Variants in DBN1 observed in about 807,000 individuals in gnomAD.
DBN1 encodes drebrin 1.
A neutral mutation model predicts 83.5 loss-of-function variants in DBN1; 21 were observed. The observed-to-expected ratio is 0.25, with a 90% confidence interval of 0.18 to 0.36. DBN1 has a LOEUF of 0.36. Ranked by LOEUF, DBN1 falls within the 10% of genes least tolerant of loss-of-function variation. The pLI is 1.00. For synonymous variants in DBN1, 381 were observed against 384.9 expected (o/e 0.99, Z 0.12); for missense variants, 874 against 935.7 (o/e 0.93, Z 0.86).
At chr5:177,472,008 C>A in intron 1 of DBN1, 1 of 1,260,932 alleles carries the variant, frequency 7.9e-7, no homozygotes, top group Non-Finnish European at 1.1e-6. Context: ...CAGGCCAAGC[C>A]GGCCACTTGC....
Position 177,461,492 on chromosome 5 carries a change from A to G in DBN1, c.772-789T>C, listed in dbSNP as rs191394572. On this transcript the variant is annotated intron_variant, in intron 8 of 14. Transcript: ENST00000393565. The stretch of plus-strand genomic sequence containing the variant: ...TCTGCCCCGTCAAACCCTGTCACAC[A>G]GCCCCTCTCTTCCCTCAGGGCCCTC... 1.4e-3 allele frequency among the ~76,000 whole-genome samples: 206 copies of G among 152,208 alleles called. 1 individual carries two copies. The highest frequency in any genetic ancestry group is 4.2e-3 in the African/African-American group (176 of 41,520).
intron 2 of DBN1, 169 bp downstream of exon 2, chr5:177,468,675 C>A: frequency 2.2e-6 from 1 of 451,510 alleles, no homozygotes; most frequent in East Asian, 3.2e-5. Context: ...AGATTCCTCC[C>A]CACCCTGGGG....
At chr5:177,458,808 G>T in intron 12 of DBN1, 101 bp from the exon 13 acceptor site, 2 of 1,214,004 alleles carry the variant, frequency 1.6e-6, no homozygotes, top group Non-Finnish European at 2.2e-6. Context: ...GGACTTCCAT[G>T]CAGGTGTCCC....
intron 1 of DBN1, among the ~76,000 whole-genome samples, chr5:177,469,879 A>G (rs1757722614): frequency 6.6e-6 from 1 of 152,186 alleles, no homozygotes; most frequent in Admixed American, 6.5e-5. Flanking sequence ...CCCCTTCTCC[A>G]AACTCCTATT....
chr5:177,472,710 C>G, intron 1 of DBN1: 1 of 866,438 alleles, frequency 1.2e-6, no homozygotes, highest in Non-Finnish European at 1.4e-6. Flanking sequence ...CCTTAGGCAG[C>G]TCGGTGCCCC....
chr5:177,471,798 TG>T (rs902507874), intron 1 of DBN1, among the ~76,000 whole-genome samples: 6 of 151,264 alleles, frequency 4.0e-5, no homozygotes, highest in African/African-American at 1.5e-4. Context: ...CTGGGGTGGG[TG>T]GGGGCAGGCC....
intron 8 of DBN1, among the ~76,000 whole-genome samples, chr5:177,461,094 C>CTTTTTTTT (rs1212164434): frequency 1.1e-4 from 10 of 90,692 alleles, no homozygotes; most frequent in Admixed American, 1.3e-4. Flanking sequence ...TTCTGGCCTT[C>CTTTTTTTT]TTTTTTTTTT....
Position 177,467,765 on chromosome 5 carries a change from G to C in DBN1, c.308C>G (p.Ala103Gly). 1 of 1,554,848 alleles carries C rather than the reference G, an allele frequency of 6.4e-7. No homozygotes were observed. Among genetic ancestry groups the C allele is most frequent in the Non-Finnish European group, 8.7e-7 (1 of 1,149,098 alleles). Reference protein sequence around the residue: ...ARKCACASHVAKVAEFFQGVD... With the variant: ...ARKCACASHVGKVAEFFQGVD... ...CACCTGGAAGAACTCCGCCACCTTAGCCACGTGGCTGGCACAAGCGCACTT... is the reference window on the plus strand; with the variant it reads ...CACCTGGAAGAACTCCGCCACCTTACCCACGTGGCTGGCACAAGCGCACTT... Residue 103 changes from alanine to glycine, a missense_variant, in exon 4 of 15, where the codon GCT (alanine) becomes GGT (glycine). This residue lies in a region of DBN1 where 65 missense variants were observed against 97.3 expected (regional missense o/e 0.67). Coordinates refer to ENST00000393565, the MANE Select transcript of DBN1 (RefSeq NM_001363541.2). The surrounding 1 kb of genome is among the most constrained non-coding windows in gnomAD (Gnocchi z 9.1).
rs1756524865 is a variant in DBN1, at chr5:177,456,777, C to T, written c.*656G>A. ...AGGGGCCACCAAAGCCCCTGGGCCC[C>T]ATCCATAGCCCTGACCTGAACCGCG... On this transcript the variant is annotated 3_prime_UTR_variant, in exon 15 of 15. Coordinates refer to ENST00000393565, the MANE Select transcript of DBN1 (RefSeq NM_001363541.2). 1 of 152,412 alleles carries T rather than the reference C, an allele frequency of 6.6e-6. No individual in the cohort carries two copies. The highest frequency in any genetic ancestry group is 2.4e-5 in the African/African-American group (1 of 41,330). 9.4% of individuals were successfully genotyped at this position (152,412 alleles called of 1,614,324 possible).
chr5:177,467,388 A>G lies in DBN1; in HGVS notation c.478-56T>C, dbSNP rs1013950072. ...GCTGAATGCCCCAGGAACCCCCGAC[A>G]CCTAAAGGGTGAGAGCTAAGAGGGA... is the stretch of plus-strand genomic sequence containing the variant. On this transcript the variant is annotated intron_variant, in intron 5 of 14. Coordinates refer to ENST00000393565, the MANE Select transcript of DBN1 (RefSeq NM_001363541.2). The surrounding 1 kb of genome is among the most constrained non-coding windows in gnomAD (Gnocchi z 9.1). 6.2e-7 allele frequency: 1 copy of G among 1,613,496 alleles called. No individual in the cohort carries two copies.
In DBN1 at chr5:177,467,123, C is replaced by T; in HGVS notation, c.556-61G>A. The T allele has an allele frequency of 8.1e-6, 13 of 1,610,530 alleles. No individual in the cohort carries two copies. The highest frequency in any genetic ancestry group is 3.4e-6 in the Non-Finnish European group (4 of 1,178,240). On this transcript the variant is annotated intron_variant, in intron 6 of 14. Coordinates refer to ENST00000393565, the MANE Select transcript of DBN1 (RefSeq NM_001363541.2). The surrounding 1 kb of genome is among the most constrained non-coding windows in gnomAD (Gnocchi z 9.1). ...GCCTAGGCGCCTGGACCCTGCCCCT[C>T]CAGCCCCTCCCTAACCCAGCGCTGG...
chr5:177,470,327 T>G (rs1450153374), intron 1 of DBN1, among the ~76,000 whole-genome samples: 1 of 152,140 alleles, frequency 6.6e-6, no homozygotes, highest in African/African-American at 2.4e-5. Context: ...GATGAGAAAC[T>G]AATGCAGAGC....
chr5:177,469,485 C>T lies in DBN1; in HGVS notation c.87-586G>A, dbSNP rs541358155. On this transcript the variant is annotated intron_variant, in intron 1 of 14. Transcript: ENST00000393565. ...ACCCGCCCTCAGCCTCAATCTCCGCCTCTCTGAAATGGGGATGAGGTCACT... is the reference window on the plus strand; with the variant it reads ...ACCCGCCCTCAGCCTCAATCTCCGCTTCTCTGAAATGGGGATGAGGTCACT... Among the ~76,000 whole-genome samples the T allele has an allele frequency of 1.4e-4, 21 of 152,326 alleles. No individual in the cohort carries two copies. The South Asian group carries it at 4.3e-3, about 32-fold the overall frequency.
chr5:177,465,101 T>G (rs906951613), intron 8 of DBN1, among the ~76,000 whole-genome samples: 1 of 152,144 alleles, frequency 6.6e-6, no homozygotes, highest in Non-Finnish European at 1.5e-5. Flanking sequence ...GGCAGTGAGC[T>G]GAGATGGCGC....
At chr5:177,472,066 A>T in intron 1 of DBN1, 1 of 1,577,924 alleles carries the variant, frequency 6.3e-7, no homozygotes, top group Non-Finnish European at 8.6e-7. Context: ...GGGCTGGGAC[A>T]ATGGGTGGGC....
Position 177,463,851 on chromosome 5 carries a change from A to T in DBN1, c.771+2921T>A, listed in dbSNP as rs1581725052. 3.9e-5 allele frequency among the ~76,000 whole-genome samples: 6 copies of T among 152,356 alleles called. No homozygotes were observed. The South Asian group carries it at 1.2e-3, about 32-fold the overall frequency. On this transcript the variant is annotated intron_variant, in intron 8 of 14. Coordinates refer to ENST00000393565, the MANE Select transcript of DBN1 (RefSeq NM_001363541.2). ...TGTTAGCAAAAAAATAAACTTTATC[A>T]GGGCTGGGTGCAGTGCACTTTGGGA...
chr5:177,473,359 C>T, intron 1 of DBN1, 77 bp downstream of exon 1: 8 of 840,946 alleles, frequency 9.5e-6, no homozygotes, highest in Non-Finnish European at 1.3e-5. Context: ...GGCGGCGGGG[C>T]GGCGGGGCGG....
chr5:177,467,486 G>A lies in DBN1; in HGVS notation c.472C>T (p.Pro158Ser). ...GGTGCCAAACACACACTAACCACGGGCTCTGCGTTCTCATCCTCTCGCAGC... is the reference window on the plus strand; with the variant it reads ...GGTGCCAAACACACACTAACCACGGACTCTGCGTTCTCATCCTCTCGCAGC... ...LRLREDENAE[P>S]VGTTYQKTDA... is the part of the protein sequence containing the mutation. Residue 158 changes from proline to serine, a missense_variant, in exon 5 of 15, where the codon CCC (proline) becomes TCC (serine). Transcript: ENST00000393565. The surrounding 1 kb of genome is among the most constrained non-coding windows in gnomAD (Gnocchi z 9.1). The A allele has an allele frequency of 1.9e-6, 3 of 1,594,026 alleles. No homozygotes were observed. Among genetic ancestry groups the A allele is most frequent in the Middle Eastern group, 1.7e-4 (1 of 6,016 alleles).
intron 13 of DBN1, 35 bp downstream of exon 13, chr5:177,458,023 C>T: frequency 1.9e-6 from 3 of 1,613,010 alleles, no homozygotes; most frequent in Middle Eastern, 1.7e-4. Flanking sequence ...CCCCCACTCC[C>T]TCCCATCCCT....
Sources: gnomAD v4.1 joint callset for allele counts (sites outside exome capture counted in the v4.1 genomes callset) on GRCh38, gnomAD v4.1.1 for gene constraint, gnomAD v4.1.1 regional missense constraint, Gnocchi (gnomAD v3.1) non-coding constraint, MANE v1.5 for transcripts, NCBI Gene and HGNC (gene_info 2026-07-23, HGNC 2026-07-21) for gene names.